COL6A6: variants seen among roughly 807,000 people sequenced by gnomAD.
COL6A6 encodes collagen type VI alpha 6 chain.
A neutral mutation model predicts 208.6 loss-of-function variants in COL6A6; 183 were observed. The observed-to-expected ratio is 0.88, with a 90% CI of 0.78 to 0.99. The LOEUF (loss-of-function observed/expected upper bound fraction) is 0.99, where lower values mean the gene tolerates loss of function less well. Among genes scored for constraint, COL6A6 ranks in the 50% least tolerant of loss-of-function variants. The pLI, the probability that COL6A6 is intolerant of heterozygous loss-of-function variation, is 0.00. For missense variants in COL6A6, 2,816 were observed against 2,815.2 expected (o/e 1.00, Z -0.01); for synonymous variants, 973 against 1,011.8 (o/e 0.96, Z 0.73).
At chr3:130,648,604 T>C (rs1335762027) in intron 32 of COL6A6, among the ~76,000 whole-genome samples, 1 of 152,258 alleles carries the variant, frequency 6.6e-6, no homozygotes, top group South Asian at 2.1e-4. Flanking sequence ...CTGTAAATTA[T>C]GTCAGTTTTC....
intron 33 of COL6A6, among the ~76,000 whole-genome samples, chr3:130,653,437 TAATTGTCTAGAAGAG>T (rs1240015503): frequency 2.0e-5 from 3 of 152,238 alleles, no homozygotes; most frequent in Non-Finnish European, 4.4e-5. Flanking sequence ...TGTTTATATA[TAATTGTCTAGAAGAG>T]AATTATTCAT....
chr3:130,561,676 C>T lies in COL6A6; in HGVS notation c.64+1248C>T, dbSNP rs368530906. Among the ~76,000 whole-genome samples, 394 of 114,112 alleles carry T rather than the reference C, an allele frequency of 3.5e-3. 5 individuals carry two copies. The East Asian group carries it at 0.044, about 13-fold the overall frequency. 74.9% of individuals were successfully genotyped at this position (114,112 alleles called of 152,430 possible). A position where few individuals can be genotyped will look rare whatever the true frequency, so the allele number is the denominator to read the frequency against. ...TTTTTTTTTTTTTGAGACGGAGTCT[C>T]GCTCTGTCGCCCAGGCCAGACTGCG... On this transcript the variant is annotated intron_variant, in intron 2 of 36. Coordinates refer to ENST00000358511, the MANE Select transcript of COL6A6 (RefSeq NM_001102608.3).
intron 20 of COL6A6, among the ~76,000 whole-genome samples, chr3:130,603,261 TG>T (rs1218148359): frequency 2.6e-5 from 4 of 152,206 alleles, no homozygotes; most frequent in African/African-American, 9.6e-5. Context: ...TTCTTTGCTG[TG>T]GGGGGCTAGG....
chr3:130,651,474 T>G (rs901500682), intron 33 of COL6A6, among the ~76,000 whole-genome samples: 1 of 151,788 alleles, frequency 6.6e-6, no homozygotes, highest in Non-Finnish European at 1.5e-5. Context: ...CTTTAATTAT[T>G]AGCATTCAGT....
In COL6A6 at chr3:130,610,652, C is replaced by G; in HGVS notation, c.4756C>G (p.Pro1586Ala). 1.3e-6 allele frequency: 2 copies of G among 1,586,586 alleles called. No individual in the cohort carries two copies. The highest frequency in any genetic ancestry group is 2.3e-5 in the South Asian group (2 of 86,376). The change falls in exon 23 of 37, where the codon CCA becomes GCA. Residue 1586 changes from proline (P) to alanine (A), a missense_variant. By Grantham distance (27) the Pro-to-Ala change is conservative. Transcript: ENST00000358511. The stretch of plus-strand genomic sequence containing the variant: ...TGCTTTAATTCTATGTACTTAGGGC[C>G]CAAGAGGAGAGGCTGGTGTGAAAGG... ...GSLGLKGPQG[P>A]RGEAGVKGEK...
chr3:130,586,192 T>C (rs1325541067), intron 10 of COL6A6, among the ~76,000 whole-genome samples: 2 of 152,228 alleles, frequency 1.3e-5, no homozygotes, highest in Non-Finnish European at 2.9e-5. Context: ...ATTTTCTTAG[T>C]GTGTGAATTT....
chr3:130,607,554 T>A (rs1310113549), intron 21 of COL6A6, among the ~76,000 whole-genome samples: 1 of 152,152 alleles, frequency 6.6e-6, no homozygotes, highest in Non-Finnish European at 1.5e-5. Context: ...AATGGCAACA[T>A]GGTGAGACTC....
rs187018971 is a variant in COL6A6 at position 130,586,519 on chromosome 3, C to G, written c.3984C>G (p.Leu1328=). The G allele has an allele frequency of 1.9e-6, 3 of 1,613,244 alleles. No individual in the cohort carries two copies. The highest frequency in any genetic ancestry group is 2.5e-6 in the Non-Finnish European group (3 of 1,179,630). The change falls in exon 11 of 37, where the codon CTC becomes CTG. Residue 1328 remains leucine, a synonymous_variant. Coordinates refer to ENST00000358511, the MANE Select transcript of COL6A6 (RefSeq NM_001102608.3). ...TGTGTTGGATAGGCCTGAATGCCCTCATAACTGTTGCTCTGGATGGACCTG... is the reference window on the plus strand; with the variant it reads ...TGTGTTGGATAGGCCTGAATGCCCTGATAACTGTTGCTCTGGATGGACCTG... ...DELRKEGLNA[L]ITVALDGPAD... is the part of the protein sequence containing the mutation.
At chr3:130,592,863 C>T in intron 15 of COL6A6, 141 bp downstream of exon 15, 1 of 918,152 alleles carries the variant, frequency 1.1e-6, no homozygotes, top group South Asian at 1.7e-5. Context: ...CATTTTGTTT[C>T]TTCTTCTCTT....
chr3:130,617,212 G>C (rs1292420918), intron 23 of COL6A6, among the ~76,000 whole-genome samples: 1 of 151,956 alleles, frequency 6.6e-6, no homozygotes, highest in East Asian at 1.9e-4. Flanking sequence ...TTGTGTGTTG[G>C]GCCCTATTCT....
intron 1 of COL6A6, among the ~76,000 whole-genome samples, chr3:130,533,528 A>T (rs548270822): frequency 1.3e-5 from 2 of 152,336 alleles, no homozygotes; most frequent in South Asian, 4.1e-4. Flanking sequence ...CCTTACCCAG[A>T]TTTAACAATA....
chr3:130,638,956 C>T lies in COL6A6; in HGVS notation c.5092-2696C>T, dbSNP rs11915996. Among the ~76,000 whole-genome samples the T allele has an allele frequency of 4.0e-3, 615 of 152,278 alleles. 5 individuals are homozygous for T. The highest frequency in any genetic ancestry group is 0.014 in the African/African-American group (577 of 41,554). On this transcript the variant is annotated intron_variant, in intron 28 of 36. Transcript: ENST00000358511. Reference sequence around the variant, plus strand: ...GCATTAGGTAGGTCCTTCATAGGCACTAGGAGCCTGGAAATATGTGTCCTC... The same window carrying T: ...GCATTAGGTAGGTCCTTCATAGGCATTAGGAGCCTGGAAATATGTGTCCTC...
chr3:130,628,756 CTCCGGT>C lies in COL6A6; in HGVS notation c.4992+1388_4992+1393del, dbSNP rs2064968160. Among the ~76,000 whole-genome samples, 8 of 65,312 alleles carry C rather than the reference CTCCGGT, an allele frequency of 1.2e-4. No individual in the cohort carries two copies. The South Asian group carries it at 2.7e-3, about 22-fold the overall frequency. 42.8% of individuals were successfully genotyped at this position (65,312 alleles called of 152,430 possible). ...GTCGAAGATGGCCGAATAGGAACAG[CTCCGGT>C]CTACAGCTCCCTGCGTGAGCGACGC... is the stretch of plus-strand genomic sequence containing the variant. On this transcript the variant is annotated intron_variant, in intron 26 of 36. Transcript: ENST00000358511.
rs906029116 is a variant in COL6A6, at chr3:130,565,452, C to T, written c.1120C>T (p.Gln374Ter). 4.3e-6 allele frequency: 7 copies of T among 1,613,952 alleles called. No homozygotes were observed. In the Admixed American group the frequency reaches 1.2e-4, roughly 27 times the overall value. ...TLGIEGASDTQLEKIASHPAE... is the reference protein window; with the variant it reads ...TLGIEGASDT ...GGGCATAGAGGGCGCCAGCGACACCCAGTTGGAAAAGATAGCATCCCACCC... is the reference window on the plus strand; with the variant it reads ...GGGCATAGAGGGCGCCAGCGACACCTAGTTGGAAAAGATAGCATCCCACCC... The change falls in exon 4 of 37, where the codon CAG becomes TAG. Residue 374 changes from glutamine to a stop codon, truncating the protein, a stop_gained. Coordinates refer to ENST00000358511, the MANE Select transcript of COL6A6 (RefSeq NM_001102608.3). LOFTEE classifies it high-confidence loss of function.
intron 1 of COL6A6, among the ~76,000 whole-genome samples, chr3:130,545,324 A>G (rs1243343667): frequency 6.6e-6 from 1 of 152,224 alleles, no homozygotes; most frequent in East Asian, 1.9e-4. Context: ...TTTGAAGGGT[A>G]ATTTCCCAGA....
intron 36 of COL6A6, among the ~76,000 whole-genome samples, chr3:130,671,381 C>A (rs138067466): frequency 6.6e-6 from 1 of 152,206 alleles, no homozygotes; most frequent in Non-Finnish European, 1.5e-5. Flanking sequence ...CTTCCTCTTT[C>A]GTCACACTGC....
chr3:130,624,402 T>A (rs1020138178), intron 24 of COL6A6, among the ~76,000 whole-genome samples: 1 of 152,204 alleles, frequency 6.6e-6, no homozygotes, highest in Non-Finnish European at 1.5e-5. Flanking sequence ...AGCAGTTGAA[T>A]GTTGCAAAGA....
intron 18 of COL6A6, among the ~76,000 whole-genome samples, chr3:130,594,582 A>G (rs1305472752): frequency 6.6e-6 from 1 of 152,232 alleles, no homozygotes; most frequent in Non-Finnish European, 1.5e-5. Context: ...CATACTCAGA[A>G]TTGTTTTTGT....
chr3:130,605,358 C>T (rs993071597), intron 20 of COL6A6, among the ~76,000 whole-genome samples: 1 of 149,446 alleles, frequency 6.7e-6, no homozygotes, highest in African/African-American at 2.5e-5. Flanking sequence ...AATGAGGGTC[C>T]CCTGAGGTCA....
Sources: allele counts gnomAD v4.1 joint callset (sites outside exome capture counted in the v4.1 genomes callset), GRCh38; gene constraint gnomAD v4.1.1; transcripts MANE v1.5; gene names NCBI Gene and HGNC (gene_info 2026-07-23, HGNC 2026-07-21).